Variants in ARMC9 observed in about 807,000 individuals in gnomAD.
ARMC9 encodes lisH domain-containing protein ARMC9.
ARMC9 carries 94 observed loss-of-function variants against 107.0 expected under a neutral mutation model. That is an observed-to-expected ratio of 0.88 (90% confidence interval 0.74 to 1.04). The LOEUF is 1.04. ARMC9 is among the 50% of genes least tolerant of loss of function. The pLI, the probability that ARMC9 is intolerant of heterozygous loss-of-function variation, is 0.00. For synonymous variants in ARMC9, 380 were observed against 396.9 expected (o/e 0.96, Z 0.51); for missense variants, 942 against 1,030.1 (o/e 0.91, Z 1.17).
At chr2:231,345,177 A>G (rs2044749546) in intron 21 of ARMC9, 87 bp downstream of exon 21, 1 of 1,556,388 alleles carries the variant, frequency 6.4e-7, no homozygotes, top group Non-Finnish European at 8.6e-7. Context: ...TTAAAATTCA[A>G]AATAAAGCAT....
chr2:231,209,786 T>A (rs932162972), intron 3 of ARMC9, among the ~76,000 whole-genome samples: 2 of 152,308 alleles, frequency 1.3e-5, no homozygotes, highest in African/African-American at 4.8e-5. Flanking sequence ...TCCACCCGCC[T>A]CAGCCTTCCA....
At chr2:231,301,675 AT>A (rs1165472061) in intron 19 of ARMC9, among the ~76,000 whole-genome samples, 1 of 152,018 alleles carries the variant, frequency 6.6e-6, no homozygotes, top group African/African-American at 2.4e-5. Context: ...CTTTTTTAAA[AT>A]TTTTTTTAAG....
Position 231,262,397 on chromosome 2 carries a change from A to T in ARMC9, c.1118A>T (p.Gln373Leu). ...NDLLDCYSHN[Q>L]RSVLQLLHST... Reference sequence around the variant, plus strand: ...CTCTTGGACTGTTATAGCCACAACCAGGTTGGTAAGAGGTGGGGCCAGATC... The same window carrying T: ...CTCTTGGACTGTTATAGCCACAACCTGGTTGGTAAGAGGTGGGGCCAGATC... Residue 373 changes from glutamine (Q) to leucine (L), a missense_variant and splice_region_variant, in exon 12 of 25, where the codon CAG becomes CTG. Coordinates refer to ENST00000611582, the MANE Select transcript of ARMC9 (RefSeq NM_001352754.2). The T allele has an allele frequency of 6.2e-7, 1 of 1,613,960 alleles. No homozygotes were observed. Among genetic ancestry groups the T allele is most frequent in the Non-Finnish European group, 8.5e-7 (1 of 1,179,846 alleles).
At chr2:231,292,477 A>G (rs1256281815) in intron 18 of ARMC9, among the ~76,000 whole-genome samples, 2 of 152,338 alleles carry the variant, frequency 1.3e-5, no homozygotes, top group South Asian at 2.1e-4. Context: ...TGCCAACTGC[A>G]GTGTGGAAGG....
In ARMC9 at chr2:231,293,207, A is replaced by G. The variant is rs147613805; in HGVS notation, c.1717+1764A>G. ...CAAAAATTAGAACTTTATTTTTTGC[A>G]GTAACTTCATTTCTGACTCTCAGCC... On this transcript the variant is annotated intron_variant, in intron 18 of 24. Transcript: ENST00000611582. 3.8e-3 allele frequency among the ~76,000 whole-genome samples: 586 copies of G among 152,314 alleles called. 16 individuals carry two copies. The highest frequency in any genetic ancestry group is 0.03 in the Admixed American group (465 of 15,302).
chr2:231,309,460 T>G (rs1328440631), intron 19 of ARMC9, among the ~76,000 whole-genome samples: 1 of 152,148 alleles, frequency 6.6e-6, no homozygotes, highest in African/African-American at 2.4e-5. Context: ...TTTCATTATT[T>G]GATAAATAAA....
chr2:231,275,619 C>T (rs2039688564), intron 14 of ARMC9, among the ~76,000 whole-genome samples: 1 of 152,180 alleles, frequency 6.6e-6, no homozygotes, highest in African/African-American at 2.4e-5. Context: ...TTTTATACAG[C>T]TCAGAGTGCC....
chr2:231,312,785 T>C (rs2042430988), intron 19 of ARMC9, among the ~76,000 whole-genome samples: 1 of 152,140 alleles, frequency 6.6e-6, no homozygotes, highest in African/African-American at 2.4e-5. Context: ...ACGTTACCAT[T>C]CTTTTTCTAA....
At chr2:231,364,325 C>G (rs2045720876) in intron 23 of ARMC9, among the ~76,000 whole-genome samples, 1 of 152,178 alleles carries the variant, frequency 6.6e-6, no homozygotes, top group African/African-American at 2.4e-5. Flanking sequence ...GCACTCAGGC[C>G]CAGGACAGGA....
At chr2:231,226,836 T>A in intron 7 of ARMC9, 38 bp downstream of exon 7, 2 of 1,602,246 alleles carry the variant, frequency 1.2e-6, no homozygotes, top group South Asian at 1.1e-5. Flanking sequence ...AAGAACAACT[T>A]TGCCAGTTCA....
In ARMC9 at chr2:231,360,851, GC is replaced by G. The variant is rs1559504913; in HGVS notation, c.2233del (p.Gln745ArgfsTer7). The G allele has an allele frequency of 5.9e-6, 9 of 1,535,038 alleles. No homozygotes were observed. Among genetic ancestry groups the G allele is most frequent in the Non-Finnish European group, 6.1e-6 (7 of 1,146,466 alleles). ...TGTPRQPREAPQDPGNGVTTR... is the reference protein window; with the variant it reads ...TGTPRQPREAXQDPGNGVTTR... ...GGACCCCCCGCCAGCCAAGGGAGGC[GC>G]CCCAGGACCCAGGCAATGGAGTGAC... On this transcript the variant is annotated frameshift_variant, in exon 23 of 25. Coordinates refer to ENST00000611582, the MANE Select transcript of ARMC9 (RefSeq NM_001352754.2). LOFTEE classifies it high-confidence loss of function. The surrounding 1 kb of genome is among the most constrained non-coding windows in gnomAD (Gnocchi z 4.7).
chr2:231,272,185 T>TG (rs2039382860), intron 13 of ARMC9, among the ~76,000 whole-genome samples: 1 of 144,350 alleles, frequency 6.9e-6, no homozygotes, highest in Non-Finnish European at 1.5e-5. Context: ...TGTGTGTGTT[T>TG]GGTTTTTTTT....
chr2:231,223,810 A>G (rs1213244823), intron 6 of ARMC9, among the ~76,000 whole-genome samples: 1 of 152,124 alleles, frequency 6.6e-6, no homozygotes, highest in African/African-American at 2.4e-5. Context: ...CTCTGCCTTT[A>G]TATCCTTAAG....
At chr2:231,352,736 G>GA (rs1386302002) in intron 21 of ARMC9, among the ~76,000 whole-genome samples, 1 of 149,072 alleles carries the variant, frequency 6.7e-6, no homozygotes, top group Non-Finnish European at 1.5e-5. Context: ...ATGGATAGAA[G>GA]ATAGGTAGGT....
At chr2:231,261,978 C>T (rs544371046) in intron 11 of ARMC9, among the ~76,000 whole-genome samples, 1 of 151,282 alleles carries the variant, frequency 6.6e-6, no homozygotes, top group South Asian at 2.1e-4. Flanking sequence ...GCCCGCACCA[C>T]ACCCGGCTAA....
chr2:231,201,889 GCC>G (rs1243979829), intron 1 of ARMC9, among the ~76,000 whole-genome samples: 2 of 152,148 alleles, frequency 1.3e-5, no homozygotes, highest in Admixed American at 1.3e-4. Context: ...CAGCAACCCT[GCC>G]ATGTTGCTGT....
At chr2:231,292,684 G>A (rs112984801) in intron 18 of ARMC9, among the ~76,000 whole-genome samples, 3 of 152,206 alleles carry the variant, frequency 2.0e-5, no homozygotes, top group Non-Finnish European at 4.4e-5. Flanking sequence ...CCGGGGCCAG[G>A]TTTGTCACTG....
intron 20 of ARMC9, among the ~76,000 whole-genome samples, chr2:231,333,847 C>T (rs1325988871): frequency 1.3e-5 from 2 of 152,210 alleles, no homozygotes; most frequent in African/African-American, 4.8e-5. Context: ...GAATACAGCG[C>T]TCAGTTAATA....
At chr2:231,334,729 C>T (rs1415228043) in intron 20 of ARMC9, among the ~76,000 whole-genome samples, 1 of 152,124 alleles carries the variant, frequency 6.6e-6, no homozygotes, top group Non-Finnish European at 1.5e-5. Flanking sequence ...CATCCCCCAC[C>T]GCCCTGTCAC....
Sources: allele counts gnomAD v4.1 joint callset (sites outside exome capture counted in the v4.1 genomes callset), GRCh38; gene constraint gnomAD v4.1.1; non-coding constraint Gnocchi (gnomAD v3.1); transcripts MANE v1.5; gene names NCBI Gene and HGNC (gene_info 2026-07-23, HGNC 2026-07-21).